The following SNTB2 variants were observed in gnomAD, a reference collection of about 807,000 sequenced individuals.
SNTB2 encodes the protein syntrophin beta 2.
A neutral mutation model predicts 46.2 loss-of-function variants in SNTB2; 34 were observed. The ratio of observed to expected loss-of-function variants is 0.74; its 90% CI spans 0.56 to 0.98. The LOEUF (loss-of-function observed/expected upper bound fraction) is 0.98, where lower values mean the gene tolerates loss of function less well. Among genes scored for constraint, SNTB2 ranks in the 50% least tolerant of loss-of-function variants. SNTB2 has a pLI of 0.00. For missense variants in SNTB2, 603 were observed against 731.4 expected, an observed-to-expected ratio of 0.82 and a Z score of 2.02; for synonymous variants, 290 against 312.6, an observed-to-expected ratio of 0.93 and a Z score of 0.76.
intron 1 of SNTB2, among the ~76,000 whole-genome samples, chr16:69,224,376 T>C (rs1409607039): frequency 1.3e-5 from 2 of 151,900 alleles, no homozygotes; most frequent in African/African-American, 4.8e-5. Context: ...CACGCCCGGC[T>C]GATTTTTTGT....
chr16:69,211,536 GAAAAAA>G (rs71254074), intron 1 of SNTB2, among the ~76,000 whole-genome samples: 11 of 96,056 alleles, frequency 1.1e-4, no homozygotes, highest in Middle Eastern at 0.011. Flanking sequence ...CATCTCAAGG[GAAAAAA>G]AAAAAAAAAA....
At chr16:69,195,066 A>G (rs1319251017) in intron 1 of SNTB2, among the ~76,000 whole-genome samples, 1 of 152,172 alleles carries the variant, frequency 6.6e-6, no homozygotes, top group African/African-American at 2.4e-5. Context: ...TGGTATTTTG[A>G]ACATCACATT....
intron 2 of SNTB2, among the ~76,000 whole-genome samples, chr16:69,248,069 G>A (rs181033472): frequency 3.6e-4 from 55 of 152,302 alleles, no homozygotes; most frequent in African/African-American, 1.3e-3. Flanking sequence ...GCTGCAGTGA[G>A]CTAGGATTGT....
At chr16:69,232,987 A>G (rs867018509) in intron 1 of SNTB2, among the ~76,000 whole-genome samples, 1 of 152,204 alleles carries the variant, frequency 6.6e-6, no homozygotes, top group Non-Finnish European at 1.5e-5. Context: ...TATTTCTCCT[A>G]CTTTTATTGA....
At position 69,234,700 on chromosome 16, in the gene SNTB2, G is replaced by GT. The variant is rs1459848718; in HGVS notation, c.581-10901dup. 2.0e-4 allele frequency among the ~76,000 whole-genome samples: 30 copies of GT among 149,488 alleles called. No individual in the cohort carries two copies. The South Asian group carries it at 5.8e-3, about 29-fold the overall frequency. ...AAGACATTATGTGTTATACAACTTG[G>GT]TATTTTTTTTTTTTTTTTTCGAGAC... On this transcript the variant is annotated intron_variant, in intron 1 of 6. Transcript: ENST00000336278.
intron 1 of SNTB2, among the ~76,000 whole-genome samples, chr16:69,193,529 A>G (rs1403956907): frequency 6.6e-6 from 1 of 151,506 alleles, no homozygotes; most frequent in Non-Finnish European, 1.5e-5. Flanking sequence ...GGGTTTCTCC[A>G]TGTTGGCCAG....
intron 1 of SNTB2, among the ~76,000 whole-genome samples, chr16:69,207,238 C>T (rs1346523650): frequency 6.8e-6 from 1 of 147,698 alleles, no homozygotes; most frequent in Non-Finnish European, 1.5e-5. Context: ...CACTGCAACT[C>T]CACCTCACTG....
chr16:69,265,652 C>T (rs553508238), intron 3 of SNTB2, among the ~76,000 whole-genome samples: 8 of 151,702 alleles, frequency 5.3e-5, no homozygotes, highest in Admixed American at 2.0e-4. Context: ...CATGGTGAAA[C>T]CCCGTCTCTA....
chr16:69,279,253 T>C (rs1312129918), intron 4 of SNTB2, among the ~76,000 whole-genome samples: 1 of 152,186 alleles, frequency 6.6e-6, no homozygotes, highest in South Asian at 2.1e-4. Context: ...CTCATGTAAG[T>C]AGGCTTCATG....
chr16:69,193,986 A>G (rs762687218), intron 1 of SNTB2, among the ~76,000 whole-genome samples: 8 of 152,216 alleles, frequency 5.3e-5, no homozygotes, highest in Non-Finnish European at 1.2e-4. Flanking sequence ...TGTAGAATTT[A>G]TTTTGGCATA....
At chr16:69,195,230 G>A (rs9889045) in intron 1 of SNTB2, among the ~76,000 whole-genome samples, 49,916 of 151,748 alleles carry the variant, frequency 0.33, 8,874 homozygotes, top group African/African-American at 0.45. Flanking sequence ...CAAAATAGAC[G>A]TATATGATTT....
At chr16:69,247,680 C>T (rs1964683936) in intron 2 of SNTB2, among the ~76,000 whole-genome samples, 1 of 152,182 alleles carries the variant, frequency 6.6e-6, no homozygotes, top group African/African-American at 2.4e-5. Context: ...CAAGTCCCTT[C>T]ACTTCCATAC....
At chr16:69,202,115 T>C (rs1964168638) in intron 1 of SNTB2, among the ~76,000 whole-genome samples, 1 of 152,216 alleles carries the variant, frequency 6.6e-6, no homozygotes, top group Non-Finnish European at 1.5e-5. Context: ...CCTTCACATT[T>C]AACCGTGACT....
intron 1 of SNTB2, among the ~76,000 whole-genome samples, chr16:69,210,298 C>T (rs1008938108): frequency 1.8e-4 from 26 of 141,000 alleles, no homozygotes; most frequent in Admixed American, 1.3e-3. Context: ...AGTGCAGTGG[C>T]GCAGTCTTGG....
chr16:69,292,409 A>ATATATATAT, intron 5 of SNTB2, among the ~76,000 whole-genome samples: 1 of 18,930 alleles, frequency 5.3e-5, no homozygotes, highest in South Asian at 2.1e-3. Flanking sequence ...TATATATATT[A>ATATATATAT]TATATATATT....
chr16:69,272,902 A>AAG (rs1331512903), intron 4 of SNTB2, among the ~76,000 whole-genome samples: 1 of 151,746 alleles, frequency 6.6e-6, no homozygotes, highest in Non-Finnish European at 1.5e-5. Flanking sequence ...AAAAAAAAAA[A>AAG]AAAAAAGAAA....
At chr16:69,295,150 C>T (rs1204528256) in intron 5 of SNTB2, among the ~76,000 whole-genome samples, 1 of 149,426 alleles carries the variant, frequency 6.7e-6, no homozygotes, top group Non-Finnish European at 1.5e-5. Context: ...CCTTTAACTT[C>T]AGTACTTACT....
chr16:69,251,475 A>G (rs1964725389), intron 2 of SNTB2, among the ~76,000 whole-genome samples: 1 of 147,850 alleles, frequency 6.8e-6, no homozygotes, highest in Non-Finnish European at 1.5e-5. Flanking sequence ...GTTTAAAAAA[A>G]AAAAAAAAAA....
At chr16:69,269,984 C>T (rs1006200384) in intron 3 of SNTB2, among the ~76,000 whole-genome samples, 159 bp from the exon 4 acceptor site, 1 of 152,182 alleles carries the variant, frequency 6.6e-6, no homozygotes, top group African/African-American at 2.4e-5. Flanking sequence ...GGTGGAGAGT[C>T]CCTACCAGTG....
Sources: allele counts gnomAD v4.1 joint callset (sites outside exome capture counted in the v4.1 genomes callset), GRCh38; gene constraint gnomAD v4.1.1; transcripts MANE v1.5; gene names NCBI Gene and HGNC (gene_info 2026-07-23, HGNC 2026-07-21).